The following UCHL3 variants were observed in gnomAD, a reference collection of about 807,000 sequenced individuals.
The protein encoded by UCHL3 is ubiquitin carboxyl-terminal hydrolase isozyme L3.
A neutral mutation model predicts 35.8 loss-of-function variants in UCHL3; 22 were observed. That is an observed-to-expected ratio of 0.61 (90% confidence interval 0.44 to 0.88). UCHL3 has a LOEUF of 0.88. UCHL3 is among the 40% of genes least tolerant of loss of function. The probability of loss-of-function intolerance (pLI) is 0.00; values close to 1 mark genes in which losing one functional copy is unlikely to be tolerated. For synonymous variants in UCHL3, 90 were observed against 92.8 expected (o/e 0.97, Z 0.17); for missense variants, 229 against 276.9 (o/e 0.83, Z 1.23).
intron 6 of UCHL3, among the ~76,000 whole-genome samples, chr13:75,570,137 T>G (rs2031807533): frequency 6.6e-6 from 1 of 152,246 alleles, no homozygotes; most frequent in Non-Finnish European, 1.5e-5. Flanking sequence ...CAAAAAGAAT[T>G]TAACTAAAGC....
intron 4 of UCHL3, 41 bp from the exon 5 acceptor site, chr13:75,567,169 ATATTGGTCTCTCTGCTG>A: frequency 2.7e-6 from 4 of 1,457,702 alleles, no homozygotes; most frequent in Non-Finnish European, 3.8e-6. Context: ...GTATTTTCAT[ATATTGGTCTCTCTGCTG>A]TATCAAGCCT....
chr13:75,579,069 A>G (rs2032106445), intron 6 of UCHL3, among the ~76,000 whole-genome samples: 1 of 152,142 alleles, frequency 6.6e-6, no homozygotes, highest in South Asian at 2.1e-4. Flanking sequence ...TTACAAAGAG[A>G]TAACAGAAAT....
rs1442250673 is a variant in UCHL3, at chr13:75,567,228, A to G, written c.342A>G (p.Glu114=). The change falls in exon 5 of 9, where the codon GAA becomes GAG. Residue 114 remains glutamate (E), a splice_region_variant and synonymous_variant. Coordinates refer to ENST00000377595, the MANE Select transcript of UCHL3 (RefSeq NM_006002.5). ...TTTTATCTTCTTTCATATTCTCAGA[A>G]TCTGGATCAACCTTGAAAAAATTCC... The part of the protein sequence containing the change: ...IANNKDKMHF[E]SGSTLKKFLE... 1.9e-6 allele frequency: 3 copies of G among 1,613,832 alleles called. No individual in the cohort carries two copies. Among genetic ancestry groups the G allele is most frequent in the African/African-American group, 1.3e-5 (1 of 74,916 alleles).
intron 7 of UCHL3, among the ~76,000 whole-genome samples, chr13:75,602,124 A>C (rs1566232863): frequency 6.6e-6 from 1 of 151,900 alleles, no homozygotes; most frequent in African/African-American, 2.4e-5. Context: ...AAACAAAAAC[A>C]AAAACAAAAC....
intron 3 of UCHL3, among the ~76,000 whole-genome samples, chr13:75,566,049 C>T (rs1485827861): frequency 6.6e-6 from 1 of 152,008 alleles, no homozygotes; most frequent in Non-Finnish European, 1.5e-5. Flanking sequence ...CTATGATTTT[C>T]CAAAAGGAAA....
chr13:75,550,187 C>G (rs1183596689), intron 2 of UCHL3, among the ~76,000 whole-genome samples, 200 bp downstream of exon 2: 3 of 152,210 alleles, frequency 2.0e-5, no homozygotes, highest in African/African-American at 7.2e-5. Flanking sequence ...ATTCTCCCAC[C>G]ACTCCTCTGG....
chr13:75,597,183 G>A (rs2032664774), intron 7 of UCHL3, among the ~76,000 whole-genome samples: 1 of 152,134 alleles, frequency 6.6e-6, no homozygotes, highest in Middle Eastern at 3.2e-3. Flanking sequence ...TTGAGTTAGT[G>A]AGTAGAAAAT....
At chr13:75,551,430 CAA>C (rs56723936) in intron 2 of UCHL3, among the ~76,000 whole-genome samples, 18 of 86,120 alleles carry the variant, frequency 2.1e-4, no homozygotes, top group Admixed American at 3.9e-4. Flanking sequence ...GACTCTGTCT[CAA>C]AAAAAAAAAA....
intron 6 of UCHL3, among the ~76,000 whole-genome samples, chr13:75,571,885 G>T (rs1217126720): frequency 6.6e-6 from 1 of 151,554 alleles, no homozygotes; most frequent in East Asian, 1.9e-4. Flanking sequence ...ATGTGTTGGA[G>T]TGAAAAAAAA....
intron 6 of UCHL3, among the ~76,000 whole-genome samples, chr13:75,576,042 G>A (rs915358357): frequency 3.4e-4 from 51 of 152,092 alleles, no homozygotes; most frequent in Middle Eastern, 3.4e-3. Context: ...GTGAGCCACC[G>A]CCCCAGCCAA....
At chr13:75,597,371 TA>T (rs71826804) in intron 7 of UCHL3, among the ~76,000 whole-genome samples, 44 of 148,700 alleles carry the variant, frequency 3.0e-4, no homozygotes, top group African/African-American at 9.7e-4. Context: ...CGTCATCTCT[TA>T]AAAAAAAAAG....
chr13:75,586,553 A>G (rs1406399667), intron 6 of UCHL3, among the ~76,000 whole-genome samples: 1 of 152,036 alleles, frequency 6.6e-6, no homozygotes, highest in Non-Finnish European at 1.5e-5. Context: ...GAAATTTGGA[A>G]TACAACAGTT....
At chr13:75,584,805 G>A (rs550007695) in intron 6 of UCHL3, among the ~76,000 whole-genome samples, 8 of 152,192 alleles carry the variant, frequency 5.3e-5, no homozygotes, top group East Asian at 1.9e-4. Flanking sequence ...GAAAAATACG[G>A]TACTAGAGAT....
rs1377917825 is a variant in UCHL3, at chr13:75,566,683, T to A, written c.184-12T>A. 6.9e-7 allele frequency: 1 copy of A among 1,446,436 alleles called. No individual in the cohort carries two copies. The highest frequency in any genetic ancestry group is 1.5e-5 in the African/African-American group (1 of 68,838). The allele number at this position is 1,446,436 out of a possible 1,614,324, so 89.6% of individuals were successfully genotyped here. A position where few individuals can be genotyped will look rare whatever the true frequency, so the allele number is the denominator to read the frequency against. ...TTCCACAAATACACTGTTGACTTTTTTTTTTTAATAGTATGAAGTATTCAG... is the reference window on the plus strand; with the variant it reads ...TTCCACAAATACACTGTTGACTTTTATTTTTTAATAGTATGAAGTATTCAG... On this transcript the variant is annotated splice_polypyrimidine_tract_variant and intron_variant, in intron 3 of 8. Coordinates refer to ENST00000377595, the MANE Select transcript of UCHL3 (RefSeq NM_006002.5).
intron 2 of UCHL3, among the ~76,000 whole-genome samples, chr13:75,554,703 A>G (rs747594762): frequency 1.3e-5 from 2 of 152,212 alleles, no homozygotes; most frequent in Non-Finnish European, 2.9e-5. Context: ...CCTGCTTATC[A>G]TACTCTACTG....
intron 2 of UCHL3, among the ~76,000 whole-genome samples, chr13:75,553,909 G>A (rs767746230): frequency 6.6e-5 from 10 of 152,168 alleles, no homozygotes; most frequent in Admixed American, 1.3e-4. Flanking sequence ...AGTTGATGCC[G>A]TTGATTCTTC....
At chr13:75,552,206 T>C (rs2031136380) in intron 2 of UCHL3, among the ~76,000 whole-genome samples, 1 of 152,222 alleles carries the variant, frequency 6.6e-6, no homozygotes, top group African/African-American at 2.4e-5. Context: ...GAAACGGTTA[T>C]AACTAAAAAT....
chr13:75,561,089 C>T (rs1042223239), intron 3 of UCHL3, among the ~76,000 whole-genome samples: 6 of 152,106 alleles, frequency 3.9e-5, no homozygotes, highest in Admixed American at 3.3e-4. Context: ...TTCCACCACA[C>T]CTAGCTGATG....
chr13:75,563,690 C>T (rs2031590074), intron 3 of UCHL3, among the ~76,000 whole-genome samples: 1 of 152,090 alleles, frequency 6.6e-6, no homozygotes, highest in African/African-American at 2.4e-5. Flanking sequence ...CTTTAGTCTT[C>T]TACTTGTTTT....
Sources: allele counts gnomAD v4.1 joint callset (sites outside exome capture counted in the v4.1 genomes callset), GRCh38; gene constraint gnomAD v4.1.1; transcripts MANE v1.5; gene names NCBI Gene and HGNC (gene_info 2026-07-23, HGNC 2026-07-21).